The following SLC25A21 variants were observed in gnomAD, a reference collection of about 807,000 sequenced individuals.
SLC25A21 encodes mitochondrial 2-oxodicarboxylate carrier.
In SLC25A21, 47 loss-of-function variants were observed where a neutral mutation model predicts 43.8. That is an observed-to-expected ratio of 1.07 (90% CI 0.85 to 1.37). The LOEUF is 1.37. Ranked by LOEUF, SLC25A21 falls within the 40% of genes most tolerant of loss-of-function variation. SLC25A21 has a pLI of 0.00. For missense variants in SLC25A21, 352 were observed against 350.2 expected (o/e 1.00, Z -0.04); for synonymous variants, 131 against 121.3 (o/e 1.08, Z -0.52).
chr14:36,783,338 G>A (rs1887139770), intron 3 of SLC25A21, among the ~76,000 whole-genome samples: 1 of 152,132 alleles, frequency 6.6e-6, no homozygotes, highest in African/African-American at 2.4e-5. Flanking sequence ...GGTGTACCAA[G>A]TGACTCATCA....
chr14:36,744,754 T>C (rs891360668), intron 3 of SLC25A21, among the ~76,000 whole-genome samples: 2 of 152,090 alleles, frequency 1.3e-5, no homozygotes, highest in African/African-American at 2.4e-5. Context: ...AAACAATGCA[T>C]ATGATAAAGT....
At chr14:37,048,060 AT>A (rs1477930622) in intron 1 of SLC25A21, among the ~76,000 whole-genome samples, 1 of 152,186 alleles carries the variant, frequency 6.6e-6, no homozygotes, top group Non-Finnish European at 1.5e-5. Flanking sequence ...ACAGAAAAAT[AT>A]TGTTCAAACG....
intron 1 of SLC25A21, among the ~76,000 whole-genome samples, chr14:36,935,615 T>C (rs540594330): frequency 6.6e-6 from 1 of 152,284 alleles, no homozygotes; most frequent in African/African-American, 2.4e-5. Context: ...ATAGTTTAAG[T>C]TGTCCTCACT....
intron 1 of SLC25A21, among the ~76,000 whole-genome samples, chr14:37,011,836 G>A (rs17767511): frequency 0.07 from 10,625 of 152,064 alleles, 516 homozygotes; most frequent in Non-Finnish European, 0.1. Flanking sequence ...AGAGCATTCC[G>A]AGCACAGGTT....
At chr14:37,150,997 G>T (rs1330975535) in intron 1 of SLC25A21, among the ~76,000 whole-genome samples, 1 of 151,714 alleles carries the variant, frequency 6.6e-6, no homozygotes, top group Non-Finnish European at 1.5e-5. Flanking sequence ...AACTTTTCAA[G>T]AAATATTAGC....
intron 3 of SLC25A21, among the ~76,000 whole-genome samples, chr14:36,801,163 T>C (rs1887856281): frequency 6.6e-6 from 1 of 152,156 alleles, no homozygotes; most frequent in Non-Finnish European, 1.5e-5. Context: ...ACTCCAACCC[T>C]TGCCTCCTCA....
intron 3 of SLC25A21, among the ~76,000 whole-genome samples, chr14:36,798,379 G>A (rs1167792486): frequency 1.3e-5 from 2 of 152,240 alleles, no homozygotes; most frequent in Admixed American, 6.5e-5. Flanking sequence ...GAAGAAACCT[G>A]TAGGTATTGG....
intron 1 of SLC25A21, among the ~76,000 whole-genome samples, chr14:37,043,582 C>A (rs921114083): frequency 6.6e-6 from 1 of 152,166 alleles, no homozygotes; most frequent in African/African-American, 2.4e-5. Context: ...TCTTTTTGGG[C>A]TACCATCTTG....
At chr14:37,170,559 T>C (rs561460635) in intron 1 of SLC25A21, among the ~76,000 whole-genome samples, 2 of 152,184 alleles carry the variant, frequency 1.3e-5, no homozygotes, top group African/African-American at 4.8e-5. Context: ...TTGCGGAATT[T>C]GACCAAAAAT....
intron 1 of SLC25A21, among the ~76,000 whole-genome samples, chr14:37,030,439 G>A (rs1218666897): frequency 4.6e-5 from 7 of 151,910 alleles, no homozygotes; most frequent in Admixed American, 2.0e-4. Context: ...CTCCACCTGG[G>A]GTATCACCCC....
At chr14:37,020,919 C>G (rs1053790382) in intron 1 of SLC25A21, among the ~76,000 whole-genome samples, 2 of 151,922 alleles carry the variant, frequency 1.3e-5, no homozygotes, top group African/African-American at 2.4e-5. Context: ...CATGGTCTTG[C>G]ATTAGGTTCC....
chr14:36,894,864 C>T (rs1419427895), intron 1 of SLC25A21, among the ~76,000 whole-genome samples: 1 of 152,038 alleles, frequency 6.6e-6, no homozygotes, highest in Non-Finnish European at 1.5e-5. Context: ...GTATGTTGAA[C>T]CAGCCTTGCA....
chr14:36,839,926 T>C (rs940718603), intron 2 of SLC25A21, among the ~76,000 whole-genome samples: 1 of 152,232 alleles, frequency 6.6e-6, no homozygotes, highest in Admixed American at 6.5e-5. Context: ...TATAGTATTA[T>C]AATCTCATGG....
At chr14:36,762,076 C>A (rs115266565) in intron 3 of SLC25A21, among the ~76,000 whole-genome samples, 69 of 152,232 alleles carry the variant, frequency 4.5e-4, no homozygotes, top group African/African-American at 1.7e-3. Context: ...TGAGCAGGTA[C>A]CATGCAGGGA....
chr14:36,708,765 T>TTC (rs1491359593), intron 7 of SLC25A21, among the ~76,000 whole-genome samples: 13 of 100,136 alleles, frequency 1.3e-4, no homozygotes, highest in Admixed American at 7.7e-4. Context: ...TTTTTTTTTT[T>TTC]GTAGCGATGA....
At chr14:37,150,874 A>T (rs1390109003) in intron 1 of SLC25A21, among the ~76,000 whole-genome samples, 1 of 152,122 alleles carries the variant, frequency 6.6e-6, no homozygotes, top group Non-Finnish European at 1.5e-5. Context: ...CATGCCCCAA[A>T]ATGATAGTGA....
intron 2 of SLC25A21, among the ~76,000 whole-genome samples, chr14:36,848,246 C>T (rs954856189): frequency 1.3e-5 from 2 of 152,178 alleles, no homozygotes; most frequent in African/African-American, 4.8e-5. Flanking sequence ...TCATAAGGCA[C>T]AACAAGATTT....
chr14:37,045,169 T>C (rs529825599), intron 1 of SLC25A21, among the ~76,000 whole-genome samples: 21 of 152,320 alleles, frequency 1.4e-4, no homozygotes, highest in Admixed American at 1.0e-3. Context: ...TATATCAGTA[T>C]TTCTGAGTAT....
intron 1 of SLC25A21, among the ~76,000 whole-genome samples, chr14:37,046,386 G>T (rs1166601806): frequency 6.6e-6 from 1 of 152,084 alleles, no homozygotes; most frequent in Non-Finnish European, 1.5e-5. Context: ...CCCCAAAGAA[G>T]GCTGTGACTG....
Sources: allele counts gnomAD v4.1 joint callset (sites outside exome capture counted in the v4.1 genomes callset), GRCh38; gene constraint gnomAD v4.1.1; transcripts MANE v1.5; gene names NCBI Gene and HGNC (gene_info 2026-07-23, HGNC 2026-07-21).